Variants in ADAM7 observed in about 807,000 individuals in gnomAD.
ADAM7 encodes the protein ADAM metallopeptidase domain 7.
In ADAM7, 97 loss-of-function variants were observed where a neutral mutation model predicts 102.9. The ratio of observed to expected loss-of-function variants is 0.94; its 90% confidence interval spans 0.80 to 1.12. ADAM7 has a LOEUF of 1.12. Among genes scored for constraint, ADAM7 ranks in the 50% most tolerant of loss-of-function variants. The pLI is 0.00. For synonymous variants in ADAM7, 334 were observed against 304.4 expected (o/e 1.10, Z -1.01); for missense variants, 991 against 908.7 (o/e 1.09, Z -1.16).
chr8:24,500,385 G>A lies in ADAM7; in HGVS notation c.2002+129G>A, dbSNP rs111369576. 15 of 775,578 alleles carry A rather than the reference G, an allele frequency of 1.9e-5. 1 individual carries two copies. Among genetic ancestry groups the A allele is most frequent in the African/African-American group, 1.7e-4 (10 of 57,856 alleles). The allele number at this position is 775,578 out of a possible 1,614,324, so 48.0% of individuals were successfully genotyped here. On this transcript the variant is annotated intron_variant, in intron 18 of 21. Transcript: ENST00000175238. Reference sequence around the variant, plus strand: ...GGATTTGTATGGTCTTCATATTATTGTGCATGAATACCCAAATTGATTTTA... The same window carrying A: ...GGATTTGTATGGTCTTCATATTATTATGCATGAATACCCAAATTGATTTTA...
chr8:24,441,695 T>C (rs1051665920), intron 1 of ADAM7, among the ~76,000 whole-genome samples: 1 of 152,184 alleles, frequency 6.6e-6, no homozygotes, highest in African/African-American at 2.4e-5. Context: ...AAGATTATGG[T>C]TGGCACTGAT....
At chr8:24,445,639 C>T (rs183808917) in intron 2 of ADAM7, among the ~76,000 whole-genome samples, 12 of 152,272 alleles carry the variant, frequency 7.9e-5, no homozygotes, top group South Asian at 2.1e-4. Context: ...CTGAGTTTTG[C>T]TAATCCATTA....
chr8:24,459,672 C>T (rs1819170164), intron 3 of ADAM7, among the ~76,000 whole-genome samples: 2 of 152,086 alleles, frequency 1.3e-5, no homozygotes, highest in Admixed American at 1.3e-4. Context: ...GTTGCCCAGG[C>T]TGGCCTCGAA....
intron 20 of ADAM7, among the ~76,000 whole-genome samples, chr8:24,504,063 T>TAAA (rs368461387): frequency 8.5e-6 from 1 of 118,318 alleles, no homozygotes; most frequent in African/African-American, 2.9e-5. Context: ...TAAAATAAAA[T>TAAA]AAATAAAATA....
chr8:24,507,543 A>G lies in ADAM7; in HGVS notation c.2264+8A>G. On this transcript the variant is annotated splice_region_variant and intron_variant, in intron 21 of 21. Coordinates refer to ENST00000175238, the MANE Select transcript of ADAM7 (RefSeq NM_003817.4). ...CAATCAAAGTGCCAAGTGGTAGGTT[A>G]CCCTGACAGATAGTACCTCCCTTTT... The G allele has an allele frequency of 5.0e-6, 8 of 1,604,962 alleles. No homozygotes were observed. The highest frequency in any genetic ancestry group is 6.8e-6 in the Non-Finnish European group (8 of 1,171,804).
At position 24,493,182 on chromosome 8, in the gene ADAM7, A is replaced by C. The variant is rs1171234348; in HGVS notation, c.1795A>C (p.Thr599Pro). The C allele has an allele frequency of 6.2e-7, 1 of 1,612,856 alleles. No individual in the cohort carries two copies. The highest frequency in any genetic ancestry group is 2.2e-5 in the East Asian group (1 of 44,806). ...AACTATTTTTTTATACCATGATTCT[A>C]CAGACATTGGCCTGGTGGCGTCAGG... is the stretch of plus-strand genomic sequence containing the variant. ...CKTIFLYHDS[T>P]DIGLVASGTK... is the part of the protein sequence containing the mutation. Residue 599 changes from threonine (T) to proline (P), a missense_variant, in exon 16 of 22, where the codon ACA (threonine) becomes CCA (proline). Thr to Pro is a conservative substitution (Grantham distance 38). Transcript: ENST00000175238.
At position 24,487,314 on chromosome 8, in the gene ADAM7, G is replaced by C; in HGVS notation, c.1088G>C (p.Gly363Ala). Residue 363 changes from glycine (G) to alanine (A), a missense_variant, in exon 11 of 22, where the codon GGA (glycine) becomes GCA (alanine). Coordinates refer to ENST00000175238, the MANE Select transcript of ADAM7 (RefSeq NM_003817.4). ...GGAAAATGCGTGATGGACAGTGATG[G>C]AAGGTGAGATTCGAACAATGTACAG... is the stretch of plus-strand genomic sequence containing the variant. Reference protein sequence around the residue: ...PSGKCVMDSDGSIPALKFSKC... With the variant: ...PSGKCVMDSDASIPALKFSKC... 1 of 1,613,542 alleles carries C rather than the reference G, an allele frequency of 6.2e-7. No homozygotes were observed. Among genetic ancestry groups the C allele is most frequent in the Non-Finnish European group, 8.5e-7 (1 of 1,179,692 alleles).
At chr8:24,491,516 T>A (rs954205716) in intron 13 of ADAM7, among the ~76,000 whole-genome samples, 3 of 152,134 alleles carry the variant, frequency 2.0e-5, no homozygotes, top group Admixed American at 2.0e-4. Context: ...GGAATCTGAT[T>A]TATTGGGACT....
chr8:24,450,898 T>C (rs1384083802), intron 3 of ADAM7, among the ~76,000 whole-genome samples: 3 of 152,218 alleles, frequency 2.0e-5, no homozygotes, highest in Non-Finnish European at 4.4e-5. Context: ...TCTGCATCTA[T>C]TGAGATAATC....
chr8:24,496,235 G>C (rs1820547612), intron 16 of ADAM7, among the ~76,000 whole-genome samples: 1 of 152,222 alleles, frequency 6.6e-6, no homozygotes, highest in Non-Finnish European at 1.5e-5. Flanking sequence ...GTCAAGAATT[G>C]AGGTTTGGGA....
chr8:24,494,929 G>C (rs1392512907), intron 16 of ADAM7, among the ~76,000 whole-genome samples: 3 of 152,194 alleles, frequency 2.0e-5, no homozygotes, highest in Admixed American at 2.0e-4. Flanking sequence ...CATCAGCAAG[G>C]ATCAAGTGGG....
chr8:24,457,167 A>C (rs1463071999), intron 3 of ADAM7, among the ~76,000 whole-genome samples: 1 of 152,206 alleles, frequency 6.6e-6, no homozygotes, highest in Non-Finnish European at 1.5e-5. Context: ...TTTAACTATT[A>C]TTAAATGTTA....
chr8:24,442,454 C>T lies in ADAM7; in HGVS notation c.53-19C>T. 6.4e-7 allele frequency: 1 copy of T among 1,560,830 alleles called. No homozygotes were observed. The highest frequency in any genetic ancestry group is 8.8e-7 in the Non-Finnish European group (1 of 1,131,632). On this transcript the variant is annotated intron_variant, in intron 1 of 21. Coordinates refer to ENST00000175238, the MANE Select transcript of ADAM7 (RefSeq NM_003817.4). ...ATGTTAATGTCAGACGGATTTTTTCCTCTTATGTTTCCTCGTAGAAAAGTT... is the reference window on the plus strand; with the variant it reads ...ATGTTAATGTCAGACGGATTTTTTCTTCTTATGTTTCCTCGTAGAAAAGTT...
In ADAM7 at chr8:24,481,781, G is replaced by T. The variant is rs553307250; in HGVS notation, c.706-361G>T. Among the ~76,000 whole-genome samples the T allele has an allele frequency of 2.0e-5, 3 of 152,276 alleles. No individual in the cohort carries two copies. The South Asian group carries it at 6.2e-4, about 32-fold the overall frequency. On this transcript the variant is annotated intron_variant, in intron 8 of 21. Coordinates refer to ENST00000175238, the MANE Select transcript of ADAM7 (RefSeq NM_003817.4). The stretch of plus-strand genomic sequence containing the variant: ...GGCCTGAAGTATGAAGGTGCATAAG[G>T]AGCACTCACACCGCCTGCCACTGTT...
At chr8:24,492,376 C>T (rs1165700514) in intron 14 of ADAM7, 119 bp from the exon 15 acceptor site, 2 of 790,726 alleles carry the variant, frequency 2.5e-6, no homozygotes, top group Non-Finnish European at 2.0e-6. Context: ...ATAATTTATT[C>T]CATTCTACTT....
At chr8:24,504,178 A>G (rs1462919600) in intron 20 of ADAM7, among the ~76,000 whole-genome samples, 1 of 152,002 alleles carries the variant, frequency 6.6e-6, no homozygotes, top group Non-Finnish European at 1.5e-5. Context: ...GACCAGGCTG[A>G]GTAATATGTC....
chr8:24,499,344 T>C (rs763981120), intron 17 of ADAM7, 28 bp downstream of exon 17: 2 of 1,535,770 alleles, frequency 1.3e-6, no homozygotes, highest in South Asian at 1.2e-5. Context: ...TCAAAATTAA[T>C]GTCTTATCAG....
intron 9 of ADAM7, among the ~76,000 whole-genome samples, chr8:24,484,898 C>T (rs557154870): frequency 2.2e-4 from 33 of 147,672 alleles, no homozygotes; most frequent in South Asian, 6.7e-4. Context: ...CTCCGCCTCT[C>T]GGGTTCAGGT....
Position 24,489,143 on chromosome 8 carries a change from C to T in ADAM7, c.1092-16C>T, listed in dbSNP as rs771050269. On this transcript the variant is annotated splice_polypyrimidine_tract_variant and intron_variant, in intron 11 of 21. Coordinates refer to ENST00000175238, the MANE Select transcript of ADAM7 (RefSeq NM_003817.4). ...TGATATGATTAATCTTTATTTTTACCTCATTCTATCTCTAGCATTCCTGCA... is the reference window on the plus strand; with the variant it reads ...TGATATGATTAATCTTTATTTTTACTTCATTCTATCTCTAGCATTCCTGCA... The T allele has an allele frequency of 6.3e-7, 1 of 1,589,896 alleles. No homozygotes were observed. Among genetic ancestry groups the T allele is most frequent in the African/African-American group, 1.3e-5 (1 of 74,150 alleles).
Sources: allele counts gnomAD v4.1 joint callset (sites outside exome capture counted in the v4.1 genomes callset), GRCh38; gene constraint gnomAD v4.1.1; transcripts MANE v1.5; gene names NCBI Gene and HGNC (gene_info 2026-07-23, HGNC 2026-07-21).